Variants in KIZ observed in about 807,000 individuals in gnomAD.
KIZ encodes the protein kizuna centrosomal protein.
KIZ carries 68 observed loss-of-function variants against 79.6 expected under a neutral mutation model. The observed-to-expected ratio is 0.85, with a 90% CI of 0.70 to 1.05. The LOEUF (loss-of-function observed/expected upper bound fraction) is 1.05, where lower values mean the gene tolerates loss of function less well. Ranked by LOEUF, KIZ falls within the 50% of genes least tolerant of loss-of-function variation. KIZ has a pLI of 0.00. For synonymous variants in KIZ, 280 were observed against 281.8 expected (o/e 0.99, Z 0.06); for missense variants, 797 against 800.4 (o/e 1.00, Z 0.05).
In KIZ at chr20:21,149,535, C is replaced by T. The variant is rs116940385; in HGVS notation, c.405+3881C>T. Reference sequence around the variant, plus strand: ...CACGGCCACAGGAGGCAGCTGTGTGCCTGGTATGCAGGGATGAGCTCTGCA... The same window carrying T: ...CACGGCCACAGGAGGCAGCTGTGTGTCTGGTATGCAGGGATGAGCTCTGCA... On this transcript the variant is annotated intron_variant, in intron 4 of 12. Coordinates refer to ENST00000619189, the MANE Select transcript of KIZ (RefSeq NM_018474.6). 1.3e-4 allele frequency among the ~76,000 whole-genome samples: 20 copies of T among 152,346 alleles called. No homozygotes were observed. In the East Asian group the frequency reaches 3.9e-3, roughly 29 times the overall value.
rs748951603 is a variant in KIZ, at chr20:21,214,533, A to G, written c.1447-2A>G. 3.0e-5 allele frequency: 49 copies of G among 1,610,220 alleles called. No homozygotes were observed. The Admixed American group carries it at 3.3e-4, about 11-fold the overall frequency. ...CTTTGTGCTTTTTTTGAAACACTGT[A>G]GGCAACAGCATTATTGAGAAAAGCC... On this transcript the variant is annotated splice_acceptor_variant, in intron 7 of 12. Transcript: ENST00000619189. LOFTEE classifies it high-confidence loss of function.
intron 7 of KIZ, among the ~76,000 whole-genome samples, chr20:21,206,394 G>A (rs1186278332): frequency 1.3e-5 from 2 of 152,190 alleles, no homozygotes; most frequent in African/African-American, 2.4e-5. Flanking sequence ...AAGCAAGGAA[G>A]GCGGAGGTCA....
At chr20:21,127,846 C>T (rs1224058617) in intron 1 of KIZ, among the ~76,000 whole-genome samples, 1 of 152,146 alleles carries the variant, frequency 6.6e-6, no homozygotes, top group Non-Finnish European at 1.5e-5. Context: ...GGGGGCTTGA[C>T]TAATATGCAA....
At chr20:21,166,709 C>T (rs369357434) in intron 6 of KIZ, 2 of 620,750 alleles carry the variant, frequency 3.2e-6, no homozygotes. Context: ...CTGCCTGCCT[C>T]AGCTTCCCAA....
intron 6 of KIZ, among the ~76,000 whole-genome samples, chr20:21,180,570 C>A (rs753305144): frequency 6.6e-6 from 1 of 152,208 alleles, no homozygotes. Flanking sequence ...TCTTTCAATA[C>A]GAATTTGAGA....
intron 7 of KIZ, among the ~76,000 whole-genome samples, chr20:21,206,647 C>G (rs1472205804): frequency 6.6e-6 from 1 of 152,154 alleles, no homozygotes; most frequent in African/African-American, 2.4e-5. Flanking sequence ...CATCCGATGC[C>G]AGGCCAGGGA....
chr20:21,126,262 C>T (rs2031457609), intron 1 of KIZ, 58 bp downstream of exon 1: 14 of 1,182,196 alleles, frequency 1.2e-5, no homozygotes, highest in Non-Finnish European at 1.5e-5. Flanking sequence ...TTCCGCGTGC[C>T]CTGCCCCATT....
At chr20:21,229,921 A>G (rs1252449970) in intron 10 of KIZ, among the ~76,000 whole-genome samples, 1 of 152,064 alleles carries the variant, frequency 6.6e-6, no homozygotes, top group Non-Finnish European at 1.5e-5. Context: ...TCAATTTAAG[A>G]TTTTGTTTTA....
At chr20:21,202,420 G>T (rs1285745338) in intron 6 of KIZ, 1 of 152,176 alleles carries the variant, frequency 6.6e-6, no homozygotes, top group Non-Finnish European at 1.5e-5. Context: ...AAAGGAATTG[G>T]GTAGTTTAAT....
Position 21,205,528 on chromosome 20 carries a change from C to G in KIZ, c.1390C>G (p.Gln464Glu). ...ACCAGACTCAGACGTACCGAGGGCA[C>G]AGGTGGGTCAGCATGTTGCCACCTT... ...QTPDSDVPRAQVGQHVATLKE... is the reference protein window; with the variant it reads ...QTPDSDVPRAEVGQHVATLKE... The change falls in exon 7 of 13, where the codon CAG becomes GAG. Residue 464 changes from glutamine (Q) to glutamate (E), a missense_variant. Coordinates refer to ENST00000619189, the MANE Select transcript of KIZ (RefSeq NM_018474.6). 3 of 1,568,498 alleles carry G rather than the reference C, an allele frequency of 1.9e-6. No homozygotes were observed. The highest frequency in any genetic ancestry group is 2.6e-6 in the Non-Finnish European group (3 of 1,148,516).
intron 11 of KIZ, among the ~76,000 whole-genome samples, chr20:21,241,483 A>G (rs550509343): frequency 6.6e-6 from 1 of 152,378 alleles, no homozygotes; most frequent in Non-Finnish European, 1.5e-5. Flanking sequence ...CAGACAATTA[A>G]GAACGATTAC....
intron 7 of KIZ, among the ~76,000 whole-genome samples, chr20:21,212,480 C>A (rs34317474): frequency 1.3e-5 from 2 of 152,166 alleles, no homozygotes; most frequent in Admixed American, 6.5e-5. Flanking sequence ...TGATTTTACT[C>A]ATTTGTAAGC....
At chr20:21,213,017 G>A (rs1300688801) in intron 7 of KIZ, among the ~76,000 whole-genome samples, 4 of 152,170 alleles carry the variant, frequency 2.6e-5, no homozygotes, top group Non-Finnish European at 4.4e-5. Context: ...CCACAGAAAG[G>A]TCCTGGCTGC....
At position 21,162,244 on chromosome 20, in the gene KIZ, A is replaced by G. The variant is rs371563884; in HGVS notation, c.779A>G (p.His260Arg). Reference protein sequence around the residue: ...HCLEIGSNTRHGKSNLSEGKK... With the variant: ...HCLEIGSNTRRGKSNLSEGKK... ...TTGGAGATAGGAAGTAACACACGTC[A>G]TGGCAAGAGTAATTTATCTGAAGGC... The change falls in exon 5 of 13, where the codon CAT (histidine) becomes CGT (arginine). Residue 260 changes from histidine to arginine, a missense_variant. Physicochemically the swap from His to Arg is conservative, Grantham distance 29 (BLOSUM62 0). Coordinates refer to ENST00000619189, the MANE Select transcript of KIZ (RefSeq NM_018474.6). 7 of 1,613,922 alleles carry G rather than the reference A, an allele frequency of 4.3e-6. No individual in the cohort carries two copies. In the African/African-American group the frequency reaches 9.3e-5, roughly 22 times the overall value.
At chr20:21,178,379 T>C (rs1364482265) in intron 6 of KIZ, among the ~76,000 whole-genome samples, 1 of 152,120 alleles carries the variant, frequency 6.6e-6, no homozygotes, top group Admixed American at 6.5e-5. Flanking sequence ...ATTCAGACAG[T>C]TTGTTGTTAG....
chr20:21,189,928 G>A (rs2035042036), intron 6 of KIZ, among the ~76,000 whole-genome samples: 1 of 152,130 alleles, frequency 6.6e-6, no homozygotes, highest in Non-Finnish European at 1.5e-5. Context: ...CCACCCAGGG[G>A]GCTGCACAAT....
At chr20:21,236,566 C>T (rs980853775) in intron 11 of KIZ, among the ~76,000 whole-genome samples, 1 of 152,212 alleles carries the variant, frequency 6.6e-6, no homozygotes, top group Non-Finnish European at 1.5e-5. Flanking sequence ...TCCTCCTTAT[C>T]CTGGACATCA....
chr20:21,179,135 A>G (rs2122889172), intron 6 of KIZ, among the ~76,000 whole-genome samples: 2 of 151,040 alleles, frequency 1.3e-5, no homozygotes, highest in Middle Eastern at 7.0e-3. Context: ...GAAGAGTTTG[A>G]GAAGTATTGG....
intron 4 of KIZ, chr20:21,151,254 G>A (rs1283198932): frequency 6.6e-6 from 1 of 152,170 alleles, no homozygotes; most frequent in Non-Finnish European, 1.5e-5. Flanking sequence ...TAGGAAAATG[G>A]TGGGAGAGGG....
Sources: gnomAD v4.1 joint callset for allele counts (sites outside exome capture counted in the v4.1 genomes callset) on GRCh38, gnomAD v4.1.1 for gene constraint, MANE v1.5 for transcripts, NCBI Gene and HGNC (gene_info 2026-07-23, HGNC 2026-07-21) for gene names.